PTK7: variants seen among roughly 807,000 people sequenced by gnomAD.
PTK7 encodes inactive tyrosine-protein kinase 7.
A neutral mutation model predicts 116.6 loss-of-function variants in PTK7; 39 were observed. That is an observed-to-expected ratio of 0.33 (90% confidence interval 0.26 to 0.44). The LOEUF is 0.44. Ranked by LOEUF, PTK7 falls within the 20% of genes least tolerant of loss-of-function variation. PTK7 has a pLI of 1.00. For synonymous variants in PTK7, 546 were observed against 563.6 expected (o/e 0.97, Z 0.44); for missense variants, 1,169 against 1,425.6 (o/e 0.82, Z 2.90).
Position 43,142,073 on chromosome 6 carries a change from G to A in PTK7, c.1911G>A (p.Leu637=), listed in dbSNP as rs564089177. 42 of 1,613,586 alleles carry A rather than the reference G, an allele frequency of 2.6e-5. No homozygotes were observed. In the South Asian group the frequency reaches 4.3e-4, roughly 16 times the overall value. The change falls in exon 12 of 20, where the codon CTG becomes CTA. Residue 637 remains leucine, a synonymous_variant. Coordinates refer to ENST00000230419, the MANE Select transcript of PTK7 (RefSeq NM_002821.5). ...ACCGCATCCTGGACCCCACCAAGCT[G>A]GGACCCAGGTAGGGCCACCTCTCTC... ...GKDRILDPTK[L]GPRMHIFQNG... is the part of the protein sequence containing the mutation.
chr6:43,130,774 A>T, intron 5 of PTK7, 113 bp downstream of exon 5: 2 of 1,391,712 alleles, frequency 1.4e-6, no homozygotes, highest in Non-Finnish European at 2.0e-6. Flanking sequence ...TATTATTTCA[A>T]ATTTCCAAGA....
At chr6:43,155,773 T>C (rs1267363690) in intron 17 of PTK7, among the ~76,000 whole-genome samples, 1 of 152,212 alleles carries the variant, frequency 6.6e-6, no homozygotes, top group Non-Finnish European at 1.5e-5. Flanking sequence ...TCTTTCACTT[T>C]GGAAAAGAGT....
chr6:43,108,384 C>T (rs1014925738), intron 1 of PTK7, among the ~76,000 whole-genome samples: 31 of 145,746 alleles, frequency 2.1e-4, no homozygotes, highest in African/African-American at 7.4e-4. Context: ...CATGAGCCAC[C>T]GCGCCCGGCC....
At chr6:43,138,625 C>T (rs1055683348) in intron 7 of PTK7, 8 of 474,910 alleles carry the variant, frequency 1.7e-5, no homozygotes, top group African/African-American at 1.6e-4. Context: ...TTGTGTCACT[C>T]TACTCCAGCC....
At chr6:43,082,175 T>G (rs1463828980) in intron 1 of PTK7, among the ~76,000 whole-genome samples, 1 of 151,966 alleles carries the variant, frequency 6.6e-6, no homozygotes, top group East Asian at 1.9e-4. Context: ...AATCTGCAAT[T>G]TATTTATTTA....
intron 17 of PTK7, 66 bp downstream of exon 17, chr6:43,146,764 A>T (rs1644479675): frequency 7.0e-7 from 1 of 1,420,986 alleles, no homozygotes; most frequent in Non-Finnish European, 9.9e-7. Flanking sequence ...CAACAGAGGC[A>T]CCATTTATTG....
intron 1 of PTK7, 62 bp from the exon 2 acceptor site, chr6:43,128,915 C>T (rs1582153367): frequency 2.6e-6 from 4 of 1,513,128 alleles, no homozygotes; most frequent in East Asian, 2.3e-5. Flanking sequence ...ACAAGGTGGC[C>T]TGTGTTAGGA....
Position 43,129,025 on chromosome 6 carries a change from C to T in PTK7, c.128C>T (p.Ala43Val). ...VFIKQPSSQDALQGRRALLRC... is the reference protein window; with the variant it reads ...VFIKQPSSQDVLQGRRALLRC... ...ATCAAGCAGCCGTCCTCCCAGGATG[C>T]ACTGCAGGGGCGCCGGGCGCTGCTT... Residue 43 changes from alanine (A) to valine (V), a missense_variant, in exon 2 of 20, where the codon GCA (alanine) becomes GTA (valine). Around this residue, in one of 3 missense-constraint regions of PTK7, gnomAD observed 487 missense variants for 549.8 expected, o/e 0.89. Coordinates refer to ENST00000230419, the MANE Select transcript of PTK7 (RefSeq NM_002821.5). The surrounding 1 kb of genome is among the most constrained non-coding windows in gnomAD (Gnocchi z 4.5). The T allele has an allele frequency of 3.1e-6, 5 of 1,613,918 alleles. No individual in the cohort carries two copies. The highest frequency in any genetic ancestry group is 4.2e-6 in the Non-Finnish European group (5 of 1,179,846).
At chr6:43,157,885 C>T (rs981073919) in intron 17 of PTK7, among the ~76,000 whole-genome samples, 1 of 152,132 alleles carries the variant, frequency 6.6e-6, no homozygotes, top group Non-Finnish European at 1.5e-5. Flanking sequence ...TGCCACCACA[C>T]CCAGCTAATT....
rs3222659 is a variant in PTK7 at position 43,131,029 on chromosome 6, T to TCACACACACA, written c.812+408_812+417dup. Among the ~76,000 whole-genome samples the TCACACACACA allele has an allele frequency of 4.9e-3, 654 of 133,814 alleles. 3 individuals carry two copies. Among genetic ancestry groups the TCACACACACA allele is most frequent in the African/African-American group, 0.01 (369 of 36,022 alleles). The allele number at this position is 133,814 out of a possible 152,430, so 87.8% of individuals were successfully genotyped here. A position where few individuals can be genotyped will look rare whatever the true frequency, so the allele number is the denominator to read the frequency against. On this transcript the variant is annotated intron_variant, in intron 5 of 19. Coordinates refer to ENST00000230419, the MANE Select transcript of PTK7 (RefSeq NM_002821.5). ...AGCGTGATCCAGTGTGGCAAAGACA[T>TCACACACACA]CACACACACACACACACACACACAC...
chr6:43,136,779 C>T (rs1561971914), intron 7 of PTK7, among the ~76,000 whole-genome samples: 2 of 152,154 alleles, frequency 1.3e-5, no homozygotes, highest in Middle Eastern at 3.4e-3. Flanking sequence ...GGTGGGAGGA[C>T]TGCTTGAGCC....
In PTK7 at chr6:43,141,142, T is replaced by C. The variant is rs1770377267; in HGVS notation, c.1619-526T>C. ...AAGATTCCCAGAATTGGGATAATTATGCACGAAAGGGGGTATGAACATTTT... is the reference window on the plus strand; with the variant it reads ...AAGATTCCCAGAATTGGGATAATTACGCACGAAAGGGGGTATGAACATTTT... On this transcript the variant is annotated intron_variant, in intron 10 of 19. Coordinates refer to ENST00000230419, the MANE Select transcript of PTK7 (RefSeq NM_002821.5). The surrounding 1 kb of genome is among the most constrained non-coding windows in gnomAD (Gnocchi z 4.9). Among the ~76,000 whole-genome samples the C allele has an allele frequency of 6.6e-6, 1 of 152,174 alleles. No homozygotes were observed. The highest frequency in any genetic ancestry group is 2.1e-4 in the South Asian group (1 of 4,836).
rs188899560 is a variant in PTK7 at position 43,103,370 on chromosome 6, G to A, written c.80-25607G>A. Reference sequence around the variant, plus strand: ...AAGGCTAGGTTGAGCAAGCAACAAGGCTTTAATCTGAAGTGGATAAATGTC... The same window carrying A: ...AAGGCTAGGTTGAGCAAGCAACAAGACTTTAATCTGAAGTGGATAAATGTC... On this transcript the variant is annotated intron_variant, in intron 1 of 19. Transcript: ENST00000230419. Among the ~76,000 whole-genome samples, 27 of 152,250 alleles carry A rather than the reference G, an allele frequency of 1.8e-4. 1 individual carries two copies. Among genetic ancestry groups the A allele is most frequent in the Admixed American group, 1.6e-3 (25 of 15,274 alleles).
chr6:43,157,365 T>TA (rs1554162298), intron 17 of PTK7, among the ~76,000 whole-genome samples: 6 of 26,898 alleles, frequency 2.2e-4, no homozygotes, highest in African/African-American at 7.0e-4. Context: ...TATATATATA[T>TA]TTTTTTTTTT....
rs148485071 is a variant in PTK7, at chr6:43,155,829, G to A, written c.2722-2988G>A. 6.2e-3 allele frequency among the ~76,000 whole-genome samples: 938 copies of A among 152,210 alleles called. 3 individuals are homozygous for A. The highest frequency in any genetic ancestry group is 9.4e-3 in the Non-Finnish European group (640 of 68,024). Reference sequence around the variant, plus strand: ...TAGAGATATTCATATTCTAGACTTCGTCTTAGGTATCTTAGAGAAACTCAT... The same window carrying A: ...TAGAGATATTCATATTCTAGACTTCATCTTAGGTATCTTAGAGAAACTCAT... On this transcript the variant is annotated intron_variant, in intron 17 of 19. Coordinates refer to ENST00000230419, the MANE Select transcript of PTK7 (RefSeq NM_002821.5).
chr6:43,118,739 ATGTGTG>A (rs1165662725), intron 1 of PTK7, among the ~76,000 whole-genome samples: 1 of 123,478 alleles, frequency 8.1e-6, no homozygotes, highest in African/African-American at 3.6e-5. Flanking sequence ...ATATGTATAT[ATGTGTG>A]TGTATGTGTG....
At position 43,104,852 on chromosome 6, in the gene PTK7, G is replaced by A. The variant is rs191851466; in HGVS notation, c.80-24125G>A. Among the ~76,000 whole-genome samples the A allele has an allele frequency of 4.2e-3, 549 of 129,342 alleles. 1 individual carries two copies. The highest frequency in any genetic ancestry group is 6.4e-3 in the Non-Finnish European group (415 of 64,508). 84.9% of individuals were successfully genotyped at this position (129,342 alleles called of 152,430 possible). A position where few individuals can be genotyped will look rare whatever the true frequency, so the allele number is the denominator to read the frequency against. ...TTTTGAGACGGAGTCTCACTCTGTC[G>A]CCCAGGCTGGAGTGCAGTGGCGTGA... On this transcript the variant is annotated intron_variant, in intron 1 of 19. Coordinates refer to ENST00000230419, the MANE Select transcript of PTK7 (RefSeq NM_002821.5).
chr6:43,106,156 C>T (rs982410651), intron 1 of PTK7, among the ~76,000 whole-genome samples: 12 of 151,818 alleles, frequency 7.9e-5, no homozygotes, highest in African/African-American at 2.7e-4. Flanking sequence ...GCCTCCTTGC[C>T]CCAAAGTGGA....
intron 17 of PTK7, among the ~76,000 whole-genome samples, chr6:43,155,614 A>G (rs1262512633): frequency 1.3e-5 from 2 of 151,424 alleles, no homozygotes; most frequent in Non-Finnish European, 2.9e-5. Flanking sequence ...AGGCCACTGC[A>G]CTCCAGCCTG....
Sources: gnomAD v4.1 joint callset for allele counts (sites outside exome capture counted in the v4.1 genomes callset) on GRCh38, gnomAD v4.1.1 for gene constraint, gnomAD v4.1.1 regional missense constraint, Gnocchi (gnomAD v3.1) non-coding constraint, MANE v1.5 for transcripts, NCBI Gene and HGNC (gene_info 2026-07-23, HGNC 2026-07-21) for gene names.